Variants in TNFAIP8 observed in about 807,000 individuals in gnomAD.
TNFAIP8 encodes the protein TNF alpha induced protein 8, also known as tumor necrosis factor alpha-induced protein 8.
A neutral mutation model predicts 13.3 loss-of-function variants in TNFAIP8; 7 were observed. The observed-to-expected ratio is 0.52, with a 90% confidence interval of 0.30 to 0.99. The LOEUF (loss-of-function observed/expected upper bound fraction) is 0.99, where lower values mean the gene tolerates loss of function less well. Among genes scored for constraint, TNFAIP8 ranks in the 50% least tolerant of loss-of-function variants. The pLI is 0.07. For synonymous variants in TNFAIP8, 94 were observed against 87.6 expected, an observed-to-expected ratio of 1.07 and a Z score of -0.41; for missense variants, 258 against 236.9, an observed-to-expected ratio of 1.09 and a Z score of -0.58.
At chr5:119,305,945 G>T (rs575648010) in intron 1 of TNFAIP8, among the ~76,000 whole-genome samples, 1 of 152,318 alleles carries the variant, frequency 6.6e-6, no homozygotes, top group African/African-American at 2.4e-5. Context: ...CCTGGCTCCG[G>T]ATCCTTCTGG....
In TNFAIP8 at chr5:119,395,455, G is replaced by A. The variant is rs1472594464; in HGVS notation, c.*2074G>A. 4 of 152,308 alleles carry A rather than the reference G, an allele frequency of 2.6e-5. No homozygotes were observed. The highest frequency in any genetic ancestry group is 4.8e-5 in the African/African-American group (2 of 41,444). The allele number at this position is 152,308 out of a possible 1,614,324, so 9.4% of individuals were successfully genotyped here. On this transcript the variant is annotated 3_prime_UTR_variant, in exon 2 of 2. Coordinates refer to ENST00000504771, the MANE Select transcript of TNFAIP8 (RefSeq NM_014350.4). ...CTGTAGCTATAGACAGGACCAACCAGAGAGAGAAAACGTACGGAGGGAGAA... is the reference window on the plus strand; with the variant it reads ...CTGTAGCTATAGACAGGACCAACCAAAGAGAGAAAACGTACGGAGGGAGAA...
rs935186320 is a variant in TNFAIP8, at chr5:119,268,789, C to T, written c.-118C>T. ...CCTCCTTTTCTCCCGCCGGCTCTAACCCGCGCTTGGCTAAGGTCCGCGGGA... is the reference window on the plus strand; with the variant it reads ...CCTCCTTTTCTCCCGCCGGCTCTAATCCGCGCTTGGCTAAGGTCCGCGGGA... On this transcript the variant is annotated 5_prime_UTR_variant, in exon 1 of 2. Coordinates refer to the TNFAIP8 transcript ENST00000274456. 24 of 689,684 alleles carry T rather than the reference C, an allele frequency of 3.5e-5. No individual in the cohort carries two copies. The East Asian group carries it at 6.7e-4, about 19-fold the overall frequency. The allele number at this position is 689,684 out of a possible 1,614,324, so 42.7% of individuals were successfully genotyped here.
chr5:119,392,801 T>TC lies in TNFAIP8; in HGVS notation c.32-15_32-14insC, dbSNP rs1491553383. On this transcript the variant is annotated splice_polypyrimidine_tract_variant and intron_variant, in intron 1 of 1. Coordinates refer to ENST00000504771, the MANE Select transcript of TNFAIP8 (RefSeq NM_014350.4). The stretch of plus-strand genomic sequence containing the variant: ...ACTAATTGTTAATTCTTTTCCTCTC[T>TC]TTTTTTTTTTTTAGTGGCCACAGAT... 2.8e-4 allele frequency: 47 copies of TC among 169,914 alleles called. No homozygotes were observed. Among genetic ancestry groups the TC allele is most frequent in the South Asian group, 1.1e-3 (7 of 6,376 alleles). 10.5% of individuals were successfully genotyped at this position (169,914 alleles called of 1,614,324 possible). A position where few individuals can be genotyped will look rare whatever the true frequency, so the allele number is the denominator to read the frequency against.
At chr5:119,381,388 A>G (rs534589563) in intron 1 of TNFAIP8, among the ~76,000 whole-genome samples, 1 of 152,198 alleles carries the variant, frequency 6.6e-6, no homozygotes, top group East Asian at 1.9e-4. Context: ...CCAAAAAAAT[A>G]CAGAAAATTA....
At chr5:119,279,031 A>C (rs1011044070) in intron 1 of TNFAIP8, among the ~76,000 whole-genome samples, 2 of 152,214 alleles carry the variant, frequency 1.3e-5, no homozygotes, top group Non-Finnish European at 2.9e-5. Context: ...TTACCATCCC[A>C]GTAATCATGG....
At chr5:119,346,127 G>C (rs995804398) in intron 1 of TNFAIP8, among the ~76,000 whole-genome samples, 1 of 152,106 alleles carries the variant, frequency 6.6e-6, no homozygotes, top group African/African-American at 2.4e-5. Flanking sequence ...AAGTCACTGG[G>C]GTGCTATGCT....
chr5:119,327,291 G>C (rs183120810), intron 1 of TNFAIP8, among the ~76,000 whole-genome samples: 2 of 152,256 alleles, frequency 1.3e-5, no homozygotes, highest in African/African-American at 4.8e-5. Context: ...TGGGCTCAGG[G>C]TACAGATGGG....
At chr5:119,374,711 C>A (rs764051298) in intron 1 of TNFAIP8, among the ~76,000 whole-genome samples, 1 of 152,096 alleles carries the variant, frequency 6.6e-6, no homozygotes, top group Non-Finnish European at 1.5e-5. Flanking sequence ...CATATGCCTA[C>A]GGGAGCCAGG....
intron 1 of TNFAIP8, among the ~76,000 whole-genome samples, chr5:119,344,552 T>G (rs1750839105): frequency 6.6e-6 from 1 of 152,218 alleles, no homozygotes; most frequent in Non-Finnish European, 1.5e-5. Context: ...GTGCAAGGAC[T>G]GAGGCAGCCA....
intron 1 of TNFAIP8, among the ~76,000 whole-genome samples, chr5:119,385,222 C>T (rs1172491510): frequency 6.6e-6 from 1 of 152,196 alleles, no homozygotes; most frequent in African/African-American, 2.4e-5. Flanking sequence ...ATAAATTGCA[C>T]CCAAGTTTAC....
At chr5:119,348,880 CAAAAAAAA>C (rs60633145) in intron 1 of TNFAIP8, among the ~76,000 whole-genome samples, 12 of 90,950 alleles carry the variant, frequency 1.3e-4, no homozygotes, top group Non-Finnish European at 2.8e-4. Context: ...AACTCCATCT[CAAAAAAAA>C]AAAAAAAAAA....
At chr5:119,374,065 T>C (rs544444490) in intron 1 of TNFAIP8, among the ~76,000 whole-genome samples, 7 of 152,358 alleles carry the variant, frequency 4.6e-5, no homozygotes, top group Admixed American at 2.0e-4. Flanking sequence ...ACATAGTATA[T>C]AGGGTTTCCT....
intron 1 of TNFAIP8, chr5:119,333,638 TA>T (rs1394725173): frequency 3.3e-6 from 5 of 1,529,628 alleles, no homozygotes; most frequent in Non-Finnish European, 3.5e-6. Context: ...CTAGGTGAGT[TA>T]AAACGGCCTT....
chr5:119,338,379 C>T (rs1037826406), intron 1 of TNFAIP8, among the ~76,000 whole-genome samples: 3 of 152,156 alleles, frequency 2.0e-5, no homozygotes, highest in African/African-American at 7.2e-5. Flanking sequence ...GATCAGGGAC[C>T]CAGGTCCTAC....
At chr5:119,367,023 G>A (rs1338853885) in intron 1 of TNFAIP8, among the ~76,000 whole-genome samples, 1 of 152,170 alleles carries the variant, frequency 6.6e-6, no homozygotes, top group Non-Finnish European at 1.5e-5. Context: ...GGTTAATCGG[G>A]TAAATTATAA....
At chr5:119,273,602 G>A (rs978217660) in intron 1 of TNFAIP8, among the ~76,000 whole-genome samples, 1 of 152,236 alleles carries the variant, frequency 6.6e-6, no homozygotes, top group African/African-American at 2.4e-5. Context: ...CATGAGGGAA[G>A]CTTTCAAAAG....
Position 119,298,846 on chromosome 5 carries a change from T to G in TNFAIP8, c.1+29939T>G, listed in dbSNP as rs1043363459. 9.2e-5 allele frequency among the ~76,000 whole-genome samples: 14 copies of G among 152,204 alleles called. 1 individual carries two copies. Among genetic ancestry groups the G allele is most frequent in the Non-Finnish European group, 1.8e-4 (12 of 68,040 alleles). On this transcript the variant is annotated intron_variant, in intron 1 of 1. Transcript: ENST00000274456. ...TCTCTAAACTTCCCTTCTCACTTCATTTCATTCATTTCATCTTCCATCACT... is the reference window on the plus strand; with the variant it reads ...TCTCTAAACTTCCCTTCTCACTTCAGTTCATTCATTTCATCTTCCATCACT...
intron 1 of TNFAIP8, among the ~76,000 whole-genome samples, chr5:119,292,685 TACACACAC>T (rs71591296): frequency 0.056 from 2,886 of 51,904 alleles, 652 homozygotes; most frequent in East Asian, 0.22. Flanking sequence ...TATATATATA[TACACACAC>T]ACACAATGAA....
chr5:119,314,794 C>T (rs888296287), intron 1 of TNFAIP8, among the ~76,000 whole-genome samples: 1 of 152,196 alleles, frequency 6.6e-6, no homozygotes, highest in South Asian at 2.1e-4. Context: ...ATTAATAGGA[C>T]CTGCTTTTCA....
Sources: allele counts gnomAD v4.1 joint callset (sites outside exome capture counted in the v4.1 genomes callset), GRCh38; gene constraint gnomAD v4.1.1; transcripts MANE v1.5; gene names NCBI Gene and HGNC (gene_info 2026-07-23, HGNC 2026-07-21).